BMPER: variants seen among roughly 807,000 people sequenced by gnomAD.
The protein encoded by BMPER is BMP binding endothelial regulator.
In BMPER, 45 loss-of-function variants were observed where a neutral mutation model predicts 87.3. The observed-to-expected ratio is 0.52, with a 90% CI of 0.41 to 0.66. BMPER has a LOEUF of 0.66. BMPER is among the 30% of genes least tolerant of loss of function. The pLI is 0.00. For synonymous variants in BMPER, 326 were observed against 316.2 expected (o/e 1.03, Z -0.33); for missense variants, 784 against 867.5 (o/e 0.90, Z 1.21).
intron 2 of BMPER, among the ~76,000 whole-genome samples, chr7:33,908,016 G>A (rs1444312590): frequency 6.6e-6 from 1 of 152,196 alleles, no homozygotes; most frequent in Non-Finnish European, 1.5e-5. Flanking sequence ...AAGTAAAAAC[G>A]CACTGCGTTT....
intron 2 of BMPER, among the ~76,000 whole-genome samples, chr7:33,935,926 C>T (rs1784590280): frequency 1.3e-5 from 2 of 152,116 alleles, no homozygotes; most frequent in African/African-American, 2.4e-5. Context: ...TTGCAAAAGC[C>T]ACGAGGGCAG....
chr7:34,037,575 G>T (rs1483727832), intron 6 of BMPER, among the ~76,000 whole-genome samples: 3 of 152,204 alleles, frequency 2.0e-5, no homozygotes, highest in Non-Finnish European at 4.4e-5. Flanking sequence ...TGTAGCCTGG[G>T]CCAGAGGGTG....
At chr7:34,016,402 A>G (rs1787028053) in intron 6 of BMPER, among the ~76,000 whole-genome samples, 1 of 151,894 alleles carries the variant, frequency 6.6e-6, no homozygotes, top group South Asian at 2.1e-4. Flanking sequence ...AGGCCTGAAA[A>G]CTTTCTAAAG....
At chr7:33,930,244 G>T (rs1261902209) in intron 2 of BMPER, among the ~76,000 whole-genome samples, 1 of 152,048 alleles carries the variant, frequency 6.6e-6, no homozygotes, top group Non-Finnish European at 1.5e-5. Context: ...ACATGACCCA[G>T]AGCCTTGGAC....
At chr7:34,065,224 C>CTCTCTCTCTA in intron 11 of BMPER, among the ~76,000 whole-genome samples, 1 of 149,918 alleles carries the variant, frequency 6.7e-6, no homozygotes, top group East Asian at 2.0e-4. Flanking sequence ...CTCTCTCTCT[C>CTCTCTCTCTA]TCTCTCTCTC....
chr7:34,047,096 C>CA lies in BMPER; in HGVS notation c.676+694dup, dbSNP rs566857425. Among the ~76,000 whole-genome samples the CA allele has an allele frequency of 3.9e-5, 6 of 152,088 alleles. No individual in the cohort carries two copies. In the South Asian group the frequency reaches 1.2e-3, roughly 32 times the overall value. ...GGGTTGTGGATTTGATATCCGACCA[C>CA]AAATCTGTGTGATTCCTGAGCCCAG... On this transcript the variant is annotated intron_variant, in intron 7 of 14. Transcript: ENST00000649409.
At chr7:34,032,852 C>A (rs371430607) in intron 6 of BMPER, among the ~76,000 whole-genome samples, 1 of 152,092 alleles carries the variant, frequency 6.6e-6, no homozygotes, top group Admixed American at 6.6e-5. Context: ...CATTTTCCAG[C>A]AGGACTGATT....
intron 14 of BMPER, among the ~76,000 whole-genome samples, chr7:34,151,478 A>G (rs1337562930): frequency 1.3e-5 from 2 of 152,220 alleles, no homozygotes; most frequent in African/African-American, 4.8e-5. Flanking sequence ...TGAAAATGTT[A>G]TTTTGAATAG....
intron 6 of BMPER, among the ~76,000 whole-genome samples, chr7:33,994,387 G>T (rs181863184): frequency 0.015 from 2,333 of 152,254 alleles, 69 homozygotes; most frequent in African/African-American, 0.053. Context: ...GATTTTCCAG[G>T]TGCCGTCTGT....
In BMPER at chr7:33,906,755, A is replaced by G. The variant is rs1385125297; in HGVS notation, c.134-63A>G. ...CAAAAAGGATTAGTGTAAAAATTTT[A>G]AATGTTGAAATCATGCTGCTAAGCT... On this transcript the variant is annotated intron_variant, in intron 1 of 14. Transcript: ENST00000649409. 4 of 1,456,806 alleles carry G rather than the reference A, an allele frequency of 2.7e-6. No homozygotes were observed. In the East Asian group the frequency reaches 6.8e-5, roughly 25 times the overall value. The allele number at this position is 1,456,806 out of a possible 1,614,324, so 90.2% of individuals were successfully genotyped here.
chr7:33,936,425 A>G (rs1447360772), intron 2 of BMPER, among the ~76,000 whole-genome samples: 1 of 152,162 alleles, frequency 6.6e-6, no homozygotes, highest in African/African-American at 2.4e-5. Context: ...TCTGAGCAGC[A>G]GTTTTCTTGT....
chr7:34,118,162 G>A (rs755371238), intron 13 of BMPER, among the ~76,000 whole-genome samples: 1 of 152,010 alleles, frequency 6.6e-6, no homozygotes, highest in African/African-American at 2.4e-5. Flanking sequence ...AAAATTAGCT[G>A]GGCATGATCA....
At chr7:34,097,224 C>G (rs1789553389) in intron 13 of BMPER, among the ~76,000 whole-genome samples, 1 of 152,138 alleles carries the variant, frequency 6.6e-6, no homozygotes, top group African/African-American at 2.4e-5. Flanking sequence ...GGAAAATATT[C>G]CAGCCACTGA....
chr7:34,067,992 A>G (rs913521475), intron 11 of BMPER, among the ~76,000 whole-genome samples: 1 of 152,156 alleles, frequency 6.6e-6, no homozygotes. Flanking sequence ...TTGATAAGTG[A>G]TTATTTGATG....
chr7:34,139,833 G>A (rs1003996114), intron 13 of BMPER, among the ~76,000 whole-genome samples: 1 of 151,840 alleles, frequency 6.6e-6, no homozygotes, highest in Admixed American at 6.6e-5. Flanking sequence ...TATCTAGCTC[G>A]GCCCTTATTA....
chr7:33,985,542 T>C (rs1785980782), intron 6 of BMPER, among the ~76,000 whole-genome samples: 1 of 152,194 alleles, frequency 6.6e-6, no homozygotes, highest in Non-Finnish European at 1.5e-5. Context: ...GAATCAAATA[T>C]CTTAAGGGGT....
intron 12 of BMPER, among the ~76,000 whole-genome samples, chr7:34,084,424 G>T (rs1047337008): frequency 6.6e-6 from 1 of 152,122 alleles, no homozygotes; most frequent in Non-Finnish European, 1.5e-5. Flanking sequence ...AAGTCCCAGG[G>T]CCGAAATACA....
intron 2 of BMPER, among the ~76,000 whole-genome samples, chr7:33,912,101 C>T (rs1420102844): frequency 6.6e-5 from 10 of 152,072 alleles, no homozygotes; most frequent in African/African-American, 2.2e-4. Context: ...GTTTTCCCCT[C>T]GCTTTCCATT....
intron 11 of BMPER, among the ~76,000 whole-genome samples, chr7:34,077,203 A>G (rs1365690222): frequency 2.0e-5 from 3 of 152,156 alleles, no homozygotes; most frequent in Non-Finnish European, 2.9e-5. Context: ...GAAATGTGGG[A>G]TAGGATGATT....
Sources: gnomAD v4.1 joint callset for allele counts (sites outside exome capture counted in the v4.1 genomes callset) on GRCh38, gnomAD v4.1.1 for gene constraint, MANE v1.5 for transcripts, NCBI Gene and HGNC (gene_info 2026-07-23, HGNC 2026-07-21) for gene names.